Variants in ECT2L observed in about 807,000 individuals in gnomAD.
ECT2L encodes epithelial cell-transforming sequence 2 oncogene-like.
In ECT2L, 126 loss-of-function variants were observed where a neutral mutation model predicts 122.8. That is an observed-to-expected ratio of 1.03 (90% CI 0.89 to 1.19). The LOEUF (loss-of-function observed/expected upper bound fraction) is 1.19, where lower values mean the gene tolerates loss of function less well. Ranked by LOEUF, ECT2L falls within the 50% of genes most tolerant of loss-of-function variation. ECT2L has a pLI of 0.00. For synonymous variants in ECT2L, 385 were observed against 381.8 expected, an observed-to-expected ratio of 1.01 and a Z score of -0.10; for missense variants, 1,012 against 1,064.1, an observed-to-expected ratio of 0.95 and a Z score of 0.68.
chr6:138,811,762 C>T (rs980933830), intron 1 of ECT2L, among the ~76,000 whole-genome samples: 24 of 152,128 alleles, frequency 1.6e-4, no homozygotes, highest in Admixed American at 3.3e-4. Flanking sequence ...TCACTACAAC[C>T]GCTGCCTCCC....
intron 1 of ECT2L, among the ~76,000 whole-genome samples, chr6:138,806,793 G>A (rs987032447): frequency 4.0e-5 from 6 of 151,604 alleles, no homozygotes; most frequent in African/African-American, 1.2e-4. Context: ...GATTACAGTC[G>A]TGAGCCACTG....
intron 4 of ECT2L, among the ~76,000 whole-genome samples, chr6:138,828,353 C>T (rs1583564392): frequency 6.6e-6 from 1 of 152,190 alleles, no homozygotes; most frequent in Non-Finnish European, 1.5e-5. Context: ...TCTCCCCTCA[C>T]CCTTTTTCTT....
At chr6:138,842,852 C>A in intron 5 of ECT2L, 127 bp from the exon 6 acceptor site, 1 of 861,188 alleles carries the variant, frequency 1.2e-6, no homozygotes, top group Non-Finnish European at 1.6e-6. Context: ...GATTTGCATA[C>A]AAATTCTCAG....
intron 5 of ECT2L, among the ~76,000 whole-genome samples, chr6:138,840,283 G>A (rs186499947): frequency 2.0e-5 from 3 of 152,166 alleles, no homozygotes; most frequent in African/African-American, 7.2e-5. Flanking sequence ...ATGCACCCAC[G>A]CAGTTCAAAC....
At chr6:138,887,087 G>T (rs1385127899) in intron 19 of ECT2L, among the ~76,000 whole-genome samples, 165 bp downstream of exon 19, 2 of 152,170 alleles carry the variant, frequency 1.3e-5, no homozygotes, top group Admixed American at 6.5e-5. Flanking sequence ...TACCTGCAAG[G>T]TTGCTCTATA....
intron 1 of ECT2L, among the ~76,000 whole-genome samples, chr6:138,811,250 C>T (rs2128372324): frequency 6.6e-6 from 1 of 152,314 alleles, no homozygotes; most frequent in East Asian, 1.9e-4. Context: ...GGGAGGCCTC[C>T]AGCCAACAGC....
At chr6:138,809,825 A>G (rs1034815531) in intron 1 of ECT2L, among the ~76,000 whole-genome samples, 2 of 152,140 alleles carry the variant, frequency 1.3e-5, no homozygotes, top group East Asian at 3.9e-4. Flanking sequence ...TTCTTCCTTG[A>G]ACGTTTAGTA....
At chr6:138,801,103 A>G (rs10457678) in intron 1 of ECT2L, among the ~76,000 whole-genome samples, 28,632 of 152,162 alleles carry the variant, frequency 0.19, 3,209 homozygotes, top group Middle Eastern at 0.32. Flanking sequence ...CTATCATTAC[A>G]TTGGCCATTA....
At chr6:138,825,213 ACAG>A (rs1776403487) in intron 4 of ECT2L, among the ~76,000 whole-genome samples, 4 of 152,184 alleles carry the variant, frequency 2.6e-5, no homozygotes, top group Admixed American at 2.6e-4. Context: ...TCTGGATGGG[ACAG>A]CATGTGTGAG....
At chr6:138,876,348 T>C (rs898451600) in intron 13 of ECT2L, 124 bp from the exon 14 acceptor site, 1 of 626,086 alleles carries the variant, frequency 1.6e-6, no homozygotes, top group African/African-American at 1.9e-5. Flanking sequence ...ACTCATTGTG[T>C]GTAGGGAACA....
rs779764863 is a variant in ECT2L at position 138,885,716 on chromosome 6, A to G, written c.2145A>G (p.Glu715=). 1.2e-6 allele frequency: 2 copies of G among 1,614,166 alleles called. No individual in the cohort carries two copies. The highest frequency in any genetic ancestry group is 1.7e-6 in the Non-Finnish European group (2 of 1,180,030). Residue 715 remains glutamate (E), a synonymous_variant, in exon 18 of 22, where the codon GAA becomes GAG. Transcript: ENST00000541398. ...TGTACCCATCCCGAAGATTTGAAGA[A>G]TACCTTAATCTTCTCTACGCTGTCA... is the stretch of plus-strand genomic sequence containing the variant. ...LLLYPSRRFE[E]YLNLLYAVRL... is the part of the protein sequence containing the mutation.
chr6:138,855,767 C>G (rs1456251257), intron 10 of ECT2L, among the ~76,000 whole-genome samples: 1 of 152,114 alleles, frequency 6.6e-6, no homozygotes, highest in Non-Finnish European at 1.5e-5. Flanking sequence ...AGTGAGTTTT[C>G]CTTTTTCTCT....
intron 1 of ECT2L, among the ~76,000 whole-genome samples, chr6:138,806,710 G>A (rs1033997446): frequency 5.3e-5 from 8 of 151,544 alleles, no homozygotes; most frequent in African/African-American, 1.7e-4. Flanking sequence ...ACGGGGTTTT[G>A]CCATGTTGGC....
chr6:138,887,739 T>A (rs1194075335), intron 19 of ECT2L, among the ~76,000 whole-genome samples: 1 of 152,238 alleles, frequency 6.6e-6, no homozygotes, highest in African/African-American at 2.4e-5. Context: ...GTTAACCTCT[T>A]TTCACACATT....
At chr6:138,843,305 C>T in intron 6 of ECT2L, 74 bp downstream of exon 6, 5 of 1,432,028 alleles carry the variant, frequency 3.5e-6, no homozygotes, top group Non-Finnish European at 4.7e-6. Flanking sequence ...CAAATTCCCA[C>T]AGAGGACAGC....
rs1351276557 is a variant in ECT2L at position 138,873,900 on chromosome 6, G to GTGTGTGTGTGTGTGTGTA, written c.1579-2557_1579-2556insGTATGTGTGTGTGTGTGT. ...TGTGTGTGTGTGTGTGTGTGTGTGTGTGTGTGTGTGTGTGTCCATCCATGT... is the reference window on the plus strand; with the variant it reads ...TGTGTGTGTGTGTGTGTGTGTGTGTGTGTGTGTGTGTGTGTGTATGTGTGTGTGTGTGTCCATCCATGT... On this transcript the variant is annotated intron_variant, in intron 13 of 21. Coordinates refer to ENST00000541398, the MANE Select transcript of ECT2L (RefSeq NM_001077706.3). Among the ~76,000 whole-genome samples, 1,378 of 150,680 alleles carry GTGTGTGTGTGTGTGTGTA rather than the reference G, an allele frequency of 9.1e-3. 22 individuals carry two copies. Among genetic ancestry groups the GTGTGTGTGTGTGTGTGTA allele is most frequent in the African/African-American group, 0.032 (1,315 of 40,824 alleles).
chr6:138,843,866 T>C (rs1050936068), intron 6 of ECT2L, among the ~76,000 whole-genome samples: 14 of 152,096 alleles, frequency 9.2e-5, no homozygotes, highest in Non-Finnish European at 1.5e-5. Flanking sequence ...ATTTTTTGTA[T>C]TTTTGTAGAG....
intron 4 of ECT2L, among the ~76,000 whole-genome samples, chr6:138,835,459 G>A (rs576964389): frequency 7.2e-4 from 109 of 152,120 alleles, no homozygotes; most frequent in African/African-American, 2.5e-3. Flanking sequence ...GGCTGAGGTG[G>A]GAGGATTGCT....
At chr6:138,839,577 TG>T (rs1776969998) in intron 5 of ECT2L, among the ~76,000 whole-genome samples, 1 of 152,038 alleles carries the variant, frequency 6.6e-6, no homozygotes, top group Non-Finnish European at 1.5e-5. Context: ...TTGGCCAGGC[TG>T]GTCTTGAACT....
Sources: allele counts gnomAD v4.1 joint callset (sites outside exome capture counted in the v4.1 genomes callset), GRCh38; gene constraint gnomAD v4.1.1; transcripts MANE v1.5; gene names NCBI Gene and HGNC (gene_info 2026-07-23, HGNC 2026-07-21).